Variants in SLC9A9 observed in about 807,000 individuals in gnomAD.
SLC9A9 encodes the protein sodium/hydrogen exchanger 9.
A neutral mutation model predicts 77.8 loss-of-function variants in SLC9A9; 62 were observed. That is an observed-to-expected ratio of 0.80 (90% CI 0.65 to 0.98). SLC9A9 has a LOEUF of 0.98. Among genes scored for constraint, SLC9A9 ranks in the 50% least tolerant of loss-of-function variants. The pLI is 0.00. For missense variants in SLC9A9, 775 were observed against 774.9 expected, an observed-to-expected ratio of 1.00 and a Z score of 0.00; for synonymous variants, 320 against 283.5, an observed-to-expected ratio of 1.13 and a Z score of -1.29.
intron 4 of SLC9A9, among the ~76,000 whole-genome samples, chr3:143,705,530 A>T (rs1441991515): frequency 6.6e-6 from 1 of 152,250 alleles, no homozygotes; most frequent in South Asian, 2.1e-4. Flanking sequence ...ATTATTATGC[A>T]TTGCATGCCT....
intron 12 of SLC9A9, among the ~76,000 whole-genome samples, chr3:143,391,079 G>A (rs2033554470): frequency 1.3e-5 from 2 of 152,258 alleles, no homozygotes. Flanking sequence ...AAATGTCCCT[G>A]TCTGACAGCT....
chr3:143,569,484 A>G (rs1269302974), intron 8 of SLC9A9, among the ~76,000 whole-genome samples: 1 of 152,158 alleles, frequency 6.6e-6, no homozygotes, highest in African/African-American at 2.4e-5. Flanking sequence ...CTCATATCAA[A>G]ACAAATTCCA....
chr3:143,730,659 A>T (rs1934778131), intron 4 of SLC9A9, among the ~76,000 whole-genome samples: 1 of 152,228 alleles, frequency 6.6e-6, no homozygotes, highest in South Asian at 2.1e-4. Context: ...TTAACAAGGC[A>T]TGAATGCTAT....
intron 4 of SLC9A9, among the ~76,000 whole-genome samples, chr3:143,747,997 C>T (rs1168554675): frequency 6.6e-6 from 1 of 152,228 alleles, no homozygotes; most frequent in East Asian, 1.9e-4. Flanking sequence ...TGTGTCTCCA[C>T]GAACCCCTTT....
chr3:143,554,855 C>G (rs1233991715), intron 8 of SLC9A9, among the ~76,000 whole-genome samples: 1 of 152,212 alleles, frequency 6.6e-6, no homozygotes, highest in Non-Finnish European at 1.5e-5. Flanking sequence ...TCCTTCCCTC[C>G]TTCAGATATC....
At chr3:143,453,086 A>C (rs1488104483) in intron 12 of SLC9A9, among the ~76,000 whole-genome samples, 2 of 152,094 alleles carry the variant, frequency 1.3e-5, no homozygotes, top group African/African-American at 4.8e-5. Context: ...TTAAGGGCAT[A>C]TCGATATTTA....
At chr3:143,370,511 T>C (rs1447664581) in intron 13 of SLC9A9, among the ~76,000 whole-genome samples, 1 of 151,502 alleles carries the variant, frequency 6.6e-6, no homozygotes, top group Non-Finnish European at 1.5e-5. Flanking sequence ...CATATCATAA[T>C]TCAGTTGGTG....
intron 12 of SLC9A9, among the ~76,000 whole-genome samples, chr3:143,457,423 A>G (rs1201853456): frequency 6.6e-6 from 1 of 152,156 alleles, no homozygotes; most frequent in African/African-American, 2.4e-5. Context: ...GGTTTTGGTC[A>G]TCGATTTTTC....
intron 14 of SLC9A9, among the ~76,000 whole-genome samples, chr3:143,330,547 C>T (rs1486275708): frequency 1.3e-5 from 2 of 152,160 alleles, no homozygotes; most frequent in African/African-American, 4.8e-5. Flanking sequence ...TTATTAATGG[C>T]AAATATTTTA....
intron 2 of SLC9A9, among the ~76,000 whole-genome samples, chr3:143,814,911 T>C (rs2008965180): frequency 1.3e-5 from 2 of 151,990 alleles, no homozygotes; most frequent in Non-Finnish European, 2.9e-5. Context: ...AAATGAGTGA[T>C]GGCAAGGTAG....
At chr3:143,659,798 C>G (rs2038952446) in intron 5 of SLC9A9, among the ~76,000 whole-genome samples, 1 of 152,050 alleles carries the variant, frequency 6.6e-6, no homozygotes, top group Non-Finnish European at 1.5e-5. Flanking sequence ...TGGGTGTATC[C>G]CCACCCAAAT....
intron 12 of SLC9A9, among the ~76,000 whole-genome samples, chr3:143,423,307 C>G (rs2034343513): frequency 1.4e-5 from 2 of 147,488 alleles, no homozygotes; most frequent in African/African-American, 5.0e-5. Context: ...TAATTCTTTT[C>G]ACCAAAAGGG....
intron 12 of SLC9A9, among the ~76,000 whole-genome samples, chr3:143,389,645 A>G (rs1174264655): frequency 6.6e-6 from 1 of 152,230 alleles, no homozygotes; most frequent in Non-Finnish European, 1.5e-5. Context: ...AGCTCTCTAC[A>G]TTGTTATCAA....
At chr3:143,512,422 CAT>C (rs1336860128) in intron 9 of SLC9A9, among the ~76,000 whole-genome samples, 8 of 152,194 alleles carry the variant, frequency 5.3e-5, no homozygotes, top group Non-Finnish European at 1.2e-4. Context: ...AAACTACAGG[CAT>C]ACTACAGGAG....
At chr3:143,390,504 T>G (rs2033533719) in intron 12 of SLC9A9, among the ~76,000 whole-genome samples, 1 of 152,166 alleles carries the variant, frequency 6.6e-6, no homozygotes, top group Non-Finnish European at 1.5e-5. Context: ...ACAGCTCCAG[T>G]CTACAGCTCC....
intron 9 of SLC9A9, among the ~76,000 whole-genome samples, chr3:143,549,697 T>G (rs1289226840): frequency 2.0e-5 from 3 of 152,174 alleles, no homozygotes; most frequent in Non-Finnish European, 4.4e-5. Context: ...GATTTTGGCT[T>G]TGTTTCCCCT....
intron 5 of SLC9A9, among the ~76,000 whole-genome samples, chr3:143,692,008 T>C (rs984893036): frequency 6.6e-6 from 1 of 151,948 alleles, no homozygotes; most frequent in Non-Finnish European, 1.5e-5. Flanking sequence ...AATAGAAGGG[T>C]CCCAGCACCA....
At position 143,711,816 on chromosome 3, in the gene SLC9A9, G is replaced by A. The variant is rs545022041; in HGVS notation, c.534-18509C>T. On this transcript the variant is annotated intron_variant, in intron 4 of 15. Coordinates refer to ENST00000316549, the MANE Select transcript of SLC9A9 (RefSeq NM_173653.4). The stretch of plus-strand genomic sequence containing the variant: ...CACCACTCCAGCAACAGAAGTATCC[G>A]TTAAGGAAGGTAATTTGATTTGCTA... 7.1e-4 allele frequency among the ~76,000 whole-genome samples: 108 copies of A among 152,268 alleles called. 1 individual carries two copies. Among genetic ancestry groups the A allele is most frequent in the Non-Finnish European group, 8.1e-4 (55 of 68,020 alleles).
intron 5 of SLC9A9, among the ~76,000 whole-genome samples, chr3:143,660,476 A>G (rs2038961970): frequency 6.6e-6 from 1 of 152,228 alleles, no homozygotes; most frequent in East Asian, 1.9e-4. Flanking sequence ...ACCTGAACCT[A>G]GAGCTTTCTG....
Sources: allele counts gnomAD v4.1 joint callset (sites outside exome capture counted in the v4.1 genomes callset), GRCh38; gene constraint gnomAD v4.1.1; transcripts MANE v1.5; gene names NCBI Gene and HGNC (gene_info 2026-07-23, HGNC 2026-07-21).